CTC1: variants seen among roughly 807,000 people sequenced by gnomAD.
The protein encoded by CTC1 is CST complex subunit CTC1.
Under a neutral mutation model 136.3 loss-of-function variants are expected in CTC1, and 91 were observed. That is an observed-to-expected ratio of 0.67 (90% confidence interval 0.56 to 0.79). The LOEUF (loss-of-function observed/expected upper bound fraction) is 0.79. Among genes scored for constraint, CTC1 ranks in the 30% least tolerant of loss-of-function variants. The pLI, the probability that CTC1 is intolerant of heterozygous loss-of-function variation, is 0.00. For missense variants in CTC1, 1,432 were observed against 1,498.1 expected, an observed-to-expected ratio of 0.96 and a Z score of 0.73; for synonymous variants, 606 against 613.8, an observed-to-expected ratio of 0.99 and a Z score of 0.19.
rs772948223 is a variant in CTC1, at chr17:8,247,305, C to CTTTTTT, written c.33+693_33+698dup. ...TTCCGTCCTGAAACCCCTTCCGGCG[C>CTTTTTT]TTTTTTTTTTTTTTTTTTTTTTTTG... On this transcript the variant is annotated intron_variant, in intron 1 of 22. Coordinates refer to ENST00000651323, the MANE Select transcript of CTC1 (RefSeq NM_025099.6). Among the ~76,000 whole-genome samples the CTTTTTT allele has an allele frequency of 1.9e-4, 17 of 91,260 alleles. 1 individual carries two copies. Among genetic ancestry groups the CTTTTTT allele is most frequent in the East Asian group, 3.6e-4 (1 of 2,804 alleles). 59.9% of individuals were successfully genotyped at this position (91,260 alleles called of 152,430 possible). A position where few individuals can be genotyped will look rare whatever the true frequency, so the allele number is the denominator to read the frequency against.
In CTC1 at chr17:8,229,221, G is replaced by A. The variant is rs1287728668; in HGVS notation, c.3157-15C>T. ...GTGCACTTTCCCTGGGATGAAGACA[G>A]TGGTTGGAAAAGTCCTCTTGGTCCC... On this transcript the variant is annotated splice_polypyrimidine_tract_variant and intron_variant, in intron 19 of 22. Transcript: ENST00000651323. The A allele has an allele frequency of 2.5e-5, 41 of 1,614,106 alleles. No individual in the cohort carries two copies. Among genetic ancestry groups the A allele is most frequent in the Non-Finnish European group, 3.2e-5 (38 of 1,180,046 alleles).
Position 8,242,966 on chromosome 17 carries a change from A to C in CTC1, c.197+19T>G. On this transcript the variant is annotated intron_variant, in intron 2 of 22. Coordinates refer to ENST00000651323, the MANE Select transcript of CTC1 (RefSeq NM_025099.6). ...ATACCTGCCCCTGCCCAGCCCCCGC[A>C]ACCGCCACCTCTCCTTACCTATAGC... 1 of 1,596,942 alleles carries C rather than the reference A, an allele frequency of 6.3e-7. No individual in the cohort carries two copies. Among genetic ancestry groups the C allele is most frequent in the Non-Finnish European group, 8.5e-7 (1 of 1,171,600 alleles).
chr17:8,226,574 A>G lies in CTC1; in HGVS notation c.*1606T>C, dbSNP rs1174113467. On this transcript the variant is annotated 3_prime_UTR_variant, in exon 23 of 23. Transcript: ENST00000651323. ...CCGACTGGATCATCCCATCCTGGAG[A>G]GAAATATGGTCAGTATGCTGAAGAA... 2.6e-5 allele frequency: 4 copies of G among 151,904 alleles called. No individual in the cohort carries two copies. The highest frequency in any genetic ancestry group is 9.7e-5 in the African/African-American group (4 of 41,322). 9.4% of individuals were successfully genotyped at this position (151,904 alleles called of 1,614,324 possible). A position where few individuals can be genotyped will look rare whatever the true frequency, so the allele number is the denominator to read the frequency against.
Position 8,234,660 on chromosome 17 carries a change from C to A in CTC1, c.1618-5G>T. On this transcript the variant is annotated splice_polypyrimidine_tract_variant and splice_region_variant and intron_variant, in intron 9 of 22. Coordinates refer to ENST00000651323, the MANE Select transcript of CTC1 (RefSeq NM_025099.6). ...GGGAGTCTGCAGCCGAGTGTACTGT[C>A]AAGGAGGGAAGAGAAATCGGGTGTG... 1 of 1,603,570 alleles carries A rather than the reference C, an allele frequency of 6.2e-7. No homozygotes were observed. Among genetic ancestry groups the A allele is most frequent in the Non-Finnish European group, 8.5e-7 (1 of 1,173,518 alleles).
rs1987812537 is a variant in CTC1 at position 8,237,304 on chromosome 17, A to G, written c.792+71T>C. ...CCTTTCCTACATGGCTCCTCCTATGATGCTATCTTTCCTACTGAAAGTTCT... is the reference window on the plus strand; with the variant it reads ...CCTTTCCTACATGGCTCCTCCTATGGTGCTATCTTTCCTACTGAAAGTTCT... On this transcript the variant is annotated intron_variant, in intron 5 of 22. Coordinates refer to ENST00000651323, the MANE Select transcript of CTC1 (RefSeq NM_025099.6). 1.2e-5 allele frequency: 19 copies of G among 1,565,360 alleles called. 1 individual carries two copies. In the South Asian group the frequency reaches 2.1e-4, roughly 17 times the overall value.
intron 2 of CTC1, among the ~76,000 whole-genome samples, chr17:8,242,750 T>G (rs73244891): frequency 1.3e-5 from 2 of 151,768 alleles, no homozygotes; most frequent in Non-Finnish European, 2.9e-5. Flanking sequence ...CCAAATTTTC[T>G]TTCTCTCTTC....
intron 6 of CTC1, 46 bp downstream of exon 6, chr17:8,236,012 C>G (rs1987686434): frequency 6.3e-7 from 1 of 1,598,230 alleles, no homozygotes; most frequent in African/African-American, 1.3e-5. Context: ...CTTTGAAAAC[C>G]CACATTTCTG....
At chr17:8,246,852 G>A (rs190928103) in intron 1 of CTC1, among the ~76,000 whole-genome samples, 2 of 152,160 alleles carry the variant, frequency 1.3e-5, no homozygotes, top group East Asian at 1.9e-4. Context: ...GTTGCAGTGA[G>A]CCGAGATCGC....
rs777691544 is a variant in CTC1, at chr17:8,229,338, G to A, written c.3120C>T (p.Phe1040=). Residue 1040 remains phenylalanine, a synonymous_variant, in exon 19 of 23, where the codon TTC becomes TTT. Transcript: ENST00000651323. ...HIVSVFSLQL[F]WVCAYCTSIC... ...TGCTGGTACAATAAGCACACACCCAGAAGAGCTGAAGGCTGAAGACAGAGA... is the reference window on the plus strand; with the variant it reads ...TGCTGGTACAATAAGCACACACCCAAAAGAGCTGAAGGCTGAAGACAGAGA... 1 of 1,614,230 alleles carries A rather than the reference G, an allele frequency of 6.2e-7. No homozygotes were observed. The highest frequency in any genetic ancestry group is 8.5e-7 in the Non-Finnish European group (1 of 1,180,036).
chr17:8,236,446 TG>T (rs1987738828), intron 5 of CTC1, 104 bp from the exon 6 acceptor site: 1 of 1,223,884 alleles, frequency 8.2e-7, no homozygotes, highest in Admixed American at 2.4e-5. Flanking sequence ...CTGCCCTCTG[TG>T]AGTCTCAACT....
chr17:8,229,794 G>A (rs1333722924), intron 18 of CTC1, 97 bp downstream of exon 18: 6 of 1,003,222 alleles, frequency 6.0e-6, no homozygotes, highest in Non-Finnish European at 9.4e-6. Flanking sequence ...TGGGATTGGA[G>A]AAGACTGTAA....
At position 8,228,509 on chromosome 17, in the gene CTC1, G is replaced by C. The variant is rs1334122309; in HGVS notation, c.3508C>G (p.Pro1170Ala). ...CCCCCGTCTCCAACCTTACCTAATG[G>C]GACGATCTTCGACGGTTTCCTTTCC... is the stretch of plus-strand genomic sequence containing the variant. ...ELERKPSKIV[P>A]LEPPRLQRFQ... The change falls in exon 22 of 23, where the codon CCA becomes GCA. Residue 1170 changes from proline (P) to alanine (A), a missense_variant. Pro to Ala is a conservative substitution (Grantham distance 27, BLOSUM62 -1). Coordinates refer to ENST00000651323, the MANE Select transcript of CTC1 (RefSeq NM_025099.6). 6.2e-7 allele frequency: 1 copy of C among 1,613,976 alleles called. No individual in the cohort carries two copies. Among genetic ancestry groups the C allele is most frequent in the Non-Finnish European group, 8.5e-7 (1 of 1,179,996 alleles).
chr17:8,229,592 TA>T, intron 18 of CTC1, 146 bp from the exon 19 acceptor site: 1 of 699,266 alleles, frequency 1.4e-6, no homozygotes, highest in Non-Finnish European at 2.4e-6. Context: ...AGCCCCATTT[TA>T]ATTCCTGATC....
rs1046158119 is a variant in CTC1 at position 8,226,606 on chromosome 17, A to T, written c.*1574T>A. On this transcript the variant is annotated 3_prime_UTR_variant, in exon 23 of 23. Coordinates refer to ENST00000651323, the MANE Select transcript of CTC1 (RefSeq NM_025099.6). ...TGGTCAGTATGCTGAAGAAAAAAAT[A>T]TGACGTAGTCGGCAGGATTCGAACC... 1.3e-5 allele frequency: 2 copies of T among 152,220 alleles called. No homozygotes were observed. Among genetic ancestry groups the T allele is most frequent in the East Asian group, 3.8e-4 (2 of 5,204 alleles). The allele number at this position is 152,220 out of a possible 1,614,324, so 9.4% of individuals were successfully genotyped here. A position where few individuals can be genotyped will look rare whatever the true frequency, so the allele number is the denominator to read the frequency against.
chr17:8,228,814 A>G lies in CTC1; in HGVS notation c.3300T>C (p.Cys1100=), dbSNP rs1363065699. 1.2e-6 allele frequency: 2 copies of G among 1,614,086 alleles called. No individual in the cohort carries two copies. The highest frequency in any genetic ancestry group is 1.7e-6 in the Non-Finnish European group (2 of 1,180,006). ...CTAGGAGGGAGGCCCACTCTCTAGG[A>G]CACAGCCCTAGTGCTGCTGCCACAT... ...NHHVAAALGL[C]PREWASLLDF... The change falls in exon 21 of 23, where the codon TGT becomes TGC. Residue 1100 remains cysteine, a synonymous_variant. Coordinates refer to ENST00000651323, the MANE Select transcript of CTC1 (RefSeq NM_025099.6).
Position 8,248,007 on chromosome 17 carries a change from G to A in CTC1, c.30C>T (p.Ser10=), listed in dbSNP as rs200258559. 23 of 1,607,824 alleles carry A rather than the reference G, an allele frequency of 1.4e-5. No homozygotes were observed. Among genetic ancestry groups the A allele is most frequent in the Middle Eastern group, 1.7e-4 (1 of 6,034 alleles). The change falls in exon 1 of 23, where the codon TCC becomes TCT. Residue 10 remains serine (S), a synonymous_variant. Transcript: ENST00000651323. MAAGRAQVP[S]SEQAWLEDAQ... is the part of the protein sequence containing the mutation. Reference sequence around the variant, plus strand: ...GAGACGTAATAGCAGCACTCACGGAGGAAGGGACCTGGGCCCGGCCAGCCG... The same window carrying A: ...GAGACGTAATAGCAGCACTCACGGAAGAAGGGACCTGGGCCCGGCCAGCCG...
intron 18 of CTC1, among the ~76,000 whole-genome samples, 154 bp downstream of exon 18, chr17:8,229,737 A>AT (rs1198411489): frequency 1.3e-5 from 2 of 152,188 alleles, no homozygotes; most frequent in African/African-American, 4.8e-5. Context: ...GACACAGAGC[A>AT]TTTTTTATTT....
At position 8,238,122 on chromosome 17, in the gene CTC1, C is replaced by G. The variant is rs185346402; in HGVS notation, c.556G>C (p.Val186Leu). The change falls in exon 4 of 23, where the codon GTG (valine) becomes CTG (leucine). Residue 186 changes from valine (V) to leucine (L), a missense_variant. Physicochemically the swap from Val to Leu is conservative, Grantham distance 32. Transcript: ENST00000651323. ...CTGATGGTCAAAGGAAACACTGGCA[C>G]AGGGGCATCCCACAGCTCCAAGTGC... ...EGHLELWDAPVPVFPLTISPG... is the reference protein window; with the variant it reads ...EGHLELWDAPLPVFPLTISPG... 5.7e-4 allele frequency: 916 copies of G among 1,614,150 alleles called. No individual in the cohort carries two copies. The highest frequency in any genetic ancestry group is 7.1e-4 in the Non-Finnish European group (842 of 1,180,016).
In CTC1 at chr17:8,236,132, G is replaced by A. The variant is rs764277261; in HGVS notation, c.1003C>T (p.Pro335Ser). 4 of 1,614,116 alleles carry A rather than the reference G, an allele frequency of 2.5e-6. No homozygotes were observed. The highest frequency in any genetic ancestry group is 2.7e-5 in the African/African-American group (2 of 74,944). ...PLLEADPKPL[P>S]MPSNSEDKKD... ...TTGTCCTCCGAGTTGCTGGGCATGG[G>A]GAGTGGCTTGGGGTCAGCCTCTAAG... Residue 335 changes from proline (P) to serine (S), a missense_variant, in exon 6 of 23, where the codon CCC becomes TCC. Transcript: ENST00000651323.
Sources: allele counts gnomAD v4.1 joint callset (sites outside exome capture counted in the v4.1 genomes callset), GRCh38; gene constraint gnomAD v4.1.1; transcripts MANE v1.5; gene names NCBI Gene and HGNC (gene_info 2026-07-23, HGNC 2026-07-21).